Variants in PRMT9 observed in about 807,000 individuals in gnomAD.
The protein encoded by PRMT9 is protein arginine methyltransferase 9.
PRMT9 carries 59 observed loss-of-function variants against 83.2 expected under a neutral mutation model. That is an observed-to-expected ratio of 0.71 (90% CI 0.57 to 0.88). The LOEUF is 0.88. Among genes scored for constraint, PRMT9 ranks in the 40% least tolerant of loss-of-function variants. The pLI is 0.00. For synonymous variants in PRMT9, 333 were observed against 353.2 expected, an observed-to-expected ratio of 0.94 and a Z score of 0.64; for missense variants, 947 against 1,021.9, an observed-to-expected ratio of 0.93 and a Z score of 1.00.
At chr4:147,659,257 C>CAG (rs1367377176) in intron 7 of PRMT9, among the ~76,000 whole-genome samples, 1 of 151,114 alleles carries the variant, frequency 6.6e-6, no homozygotes, top group Non-Finnish European at 1.5e-5. Context: ...AAAAATTAGC[C>CAG]GCTCATGGTG....
intron 2 of PRMT9, among the ~76,000 whole-genome samples, chr4:147,677,445 A>ATTT (rs11321232): frequency 4.2e-5 from 3 of 70,776 alleles, no homozygotes; most frequent in African/African-American, 1.5e-4. Context: ...GACAGGTAGA[A>ATTT]TTTTTTTTTT....
Position 147,638,942 on chromosome 4 carries a change from T to C in PRMT9, c.2322+18A>G. The C allele has an allele frequency of 6.2e-7, 1 of 1,607,078 alleles. No homozygotes were observed. Among genetic ancestry groups the C allele is most frequent in the East Asian group, 2.2e-5 (1 of 44,742 alleles). On this transcript the variant is annotated intron_variant, in intron 11 of 11. Transcript: ENST00000322396. Reference sequence around the variant, plus strand: ...TCTAAACAATAACAAACGAAATCATTTTGCATGTTGTCCTTACCTTTACTT... The same window carrying C: ...TCTAAACAATAACAAACGAAATCATCTTGCATGTTGTCCTTACCTTTACTT...
chr4:147,660,222 A>G (rs957251583), intron 7 of PRMT9, among the ~76,000 whole-genome samples: 4 of 152,252 alleles, frequency 2.6e-5, no homozygotes, highest in Admixed American at 6.5e-5. Flanking sequence ...TCTGTGTAAC[A>G]CAAGGATAAT....
chr4:147,650,273 C>T (rs1734005445), intron 9 of PRMT9, among the ~76,000 whole-genome samples: 3 of 152,090 alleles, frequency 2.0e-5, no homozygotes, highest in African/African-American at 4.8e-5. Context: ...ATAGAAAACT[C>T]TAAAGAAAAA....
In PRMT9 at chr4:147,656,181, C is replaced by A. The variant is rs541976568; in HGVS notation, c.1330+1611G>T. Among the ~76,000 whole-genome samples, 157 of 152,278 alleles carry A rather than the reference C, an allele frequency of 1.0e-3. 2 individuals are homozygous for A. Among genetic ancestry groups the A allele is most frequent in the Middle Eastern group, 3.4e-3 (1 of 294 alleles). On this transcript the variant is annotated intron_variant, in intron 8 of 11. Coordinates refer to ENST00000322396, the MANE Select transcript of PRMT9 (RefSeq NM_138364.4). ...TCCAAAAACAACATACTGGCTACAA[C>A]AATATACTGATTCCAGGCCTTTATG...
chr4:147,640,531 C>A (rs1733325689), intron 10 of PRMT9, among the ~76,000 whole-genome samples: 1 of 152,164 alleles, frequency 6.6e-6, no homozygotes, highest in African/African-American at 2.4e-5. Context: ...ATGCTGCTAA[C>A]TGCCAAATTT....
chr4:147,678,572 T>G (rs1252843963), intron 2 of PRMT9, among the ~76,000 whole-genome samples: 1 of 152,212 alleles, frequency 6.6e-6, no homozygotes, highest in Non-Finnish European at 1.5e-5. Flanking sequence ...GAATTTGGAT[T>G]TGGGGAGGGT....
chr4:147,646,192 G>C (rs370703512), intron 9 of PRMT9, among the ~76,000 whole-genome samples: 99 of 152,232 alleles, frequency 6.5e-4, no homozygotes, highest in African/African-American at 2.3e-3. Flanking sequence ...AAAGGATCAA[G>C]TTTAATCCTG....
In PRMT9 at chr4:147,638,101, A is replaced by C. The variant is rs923300880; in HGVS notation, c.*431T>G. 2 of 204,334 alleles carry C rather than the reference A, an allele frequency of 9.8e-6. No individual in the cohort carries two copies. Among genetic ancestry groups the C allele is most frequent in the African/African-American group, 4.8e-5 (2 of 42,044 alleles). 12.7% of individuals were successfully genotyped at this position (204,334 alleles called of 1,614,324 possible). ...GTTTCAGATGTACACTGAGTATTTAAAGGAAGCAAGATTGGAATTTACAGG... is the reference window on the plus strand; with the variant it reads ...GTTTCAGATGTACACTGAGTATTTACAGGAAGCAAGATTGGAATTTACAGG... On this transcript the variant is annotated 3_prime_UTR_variant, in exon 12 of 12. Transcript: ENST00000322396.
intron 8 of PRMT9, among the ~76,000 whole-genome samples, chr4:147,655,345 T>C (rs1243284053): frequency 6.6e-6 from 1 of 151,734 alleles, no homozygotes; most frequent in Non-Finnish European, 1.5e-5. Flanking sequence ...TTTTTTTAAA[T>C]AGAGATGAGG....
At chr4:147,679,153 C>G (rs1262416381) in intron 2 of PRMT9, among the ~76,000 whole-genome samples, 1 of 152,192 alleles carries the variant, frequency 6.6e-6, no homozygotes, top group Non-Finnish European at 1.5e-5. Context: ...GCGGAGAGGC[C>G]GCGTGCAGTG....
At chr4:147,674,085 G>A (rs578223113) in intron 2 of PRMT9, among the ~76,000 whole-genome samples, 5 of 152,112 alleles carry the variant, frequency 3.3e-5, no homozygotes, top group East Asian at 3.9e-4. Context: ...TATATATTCC[G>A]GGAGACAAAC....
chr4:147,642,100 T>C (rs374966897), intron 10 of PRMT9, among the ~76,000 whole-genome samples: 2 of 152,218 alleles, frequency 1.3e-5, no homozygotes, highest in African/African-American at 2.4e-5. Flanking sequence ...CTGATACTTA[T>C]CAGCTGCCAG....
At chr4:147,657,010 A>C (rs186676901) in intron 8 of PRMT9, among the ~76,000 whole-genome samples, 61 of 141,642 alleles carry the variant, frequency 4.3e-4, no homozygotes, top group Admixed American at 3.6e-3. Flanking sequence ...ATTTCCATAC[A>C]AAAAAAAAAT....
intron 9 of PRMT9, among the ~76,000 whole-genome samples, chr4:147,653,184 A>G (rs955422832): frequency 6.6e-6 from 1 of 152,184 alleles, no homozygotes; most frequent in Non-Finnish European, 1.5e-5. Context: ...ATGGTGGCTC[A>G]TGCCTATAAT....
At position 147,684,108 on chromosome 4, in the gene PRMT9, C is replaced by G. The variant is rs545139322; in HGVS notation, c.-121G>C. 23 of 1,186,182 alleles carry G rather than the reference C, an allele frequency of 1.9e-5. No homozygotes were observed. In the East Asian group the frequency reaches 5.6e-4, roughly 29 times the overall value. The allele number at this position is 1,186,182 out of a possible 1,614,324, so 73.5% of individuals were successfully genotyped here. ...CAAAAAACAGCACAGCAAAGTTACC[C>G]TCCGCCGCGGGTGAACTCGCCAACC... On this transcript the variant is annotated 5_prime_UTR_variant, in exon 1 of 12. Transcript: ENST00000322396.
rs949400754 is a variant in PRMT9 at position 147,638,803 on chromosome 4, A to C, written c.2323-56T>G. ...AGAGTGCATAGAGTAGACTTAGATAAGTCTCTTTTTAGTTACTTTTAAATA... is the reference window on the plus strand; with the variant it reads ...AGAGTGCATAGAGTAGACTTAGATACGTCTCTTTTTAGTTACTTTTAAATA... On this transcript the variant is annotated intron_variant, in intron 11 of 11. Transcript: ENST00000322396. 1.3e-5 allele frequency: 18 copies of C among 1,425,856 alleles called. No individual in the cohort carries two copies. In the East Asian group the frequency reaches 3.6e-4, roughly 29 times the overall value. 88.3% of individuals were successfully genotyped at this position (1,425,856 alleles called of 1,614,324 possible).
chr4:147,665,248 C>T (rs1735248735), intron 6 of PRMT9, among the ~76,000 whole-genome samples: 1 of 152,062 alleles, frequency 6.6e-6, no homozygotes, highest in South Asian at 2.1e-4. Flanking sequence ...TCAGATTTCC[C>T]TCCATTGATT....
intron 2 of PRMT9, among the ~76,000 whole-genome samples, chr4:147,679,551 C>CA (rs1413332057): frequency 6.6e-6 from 1 of 151,994 alleles, no homozygotes; most frequent in African/African-American, 2.4e-5. Flanking sequence ...AGTTCGAGAC[C>CA]AGCCTGGCCA....
Sources: gnomAD v4.1 joint callset for allele counts (sites outside exome capture counted in the v4.1 genomes callset) on GRCh38, gnomAD v4.1.1 for gene constraint, MANE v1.5 for transcripts, NCBI Gene and HGNC (gene_info 2026-07-23, HGNC 2026-07-21) for gene names.